Variants in ETNPPL observed in about 807,000 individuals in gnomAD.
The protein encoded by ETNPPL is alanine--glyoxylate aminotransferase 2-like 1.
In ETNPPL, 30 loss-of-function variants were observed where a neutral mutation model predicts 55.5. That is an observed-to-expected ratio of 0.54 (90% CI 0.40 to 0.73). The LOEUF is 0.73. Ranked by LOEUF, ETNPPL falls within the 30% of genes least tolerant of loss-of-function variation. The pLI is 0.00. For missense variants in ETNPPL, 528 were observed against 607.9 expected (o/e 0.87, Z 1.38); for synonymous variants, 202 against 207.2 (o/e 0.98, Z 0.21).
chr4:108,746,884 T>A (rs913336716), intron 9 of ETNPPL, 33 bp from the exon 10 acceptor site: 1 of 1,431,582 alleles, frequency 7.0e-7, no homozygotes, highest in Non-Finnish European at 9.8e-7. Context: ...TGACCCACAA[T>A]CTGTCCAACT....
chr4:108,763,031 G>A lies in ETNPPL; in HGVS notation c.-133C>T, dbSNP rs1293693436. On this transcript the variant is annotated 5_prime_UTR_variant, in exon 1 of 13. Coordinates refer to ENST00000296486, the MANE Select transcript of ETNPPL (RefSeq NM_031279.4). The stretch of plus-strand genomic sequence containing the variant: ...CCCTCCTGGCGTTCTCTTGCCCGGG[G>A]CGTCGGAGGTCACCGGTGGCGTCAA... 5.3e-6 allele frequency: 4 copies of A among 750,482 alleles called. No homozygotes were observed. Among genetic ancestry groups the A allele is most frequent in the Middle Eastern group, 5.3e-4 (2 of 3,766 alleles). The allele number at this position is 750,482 out of a possible 1,614,324, so 46.5% of individuals were successfully genotyped here. A position where few individuals can be genotyped will look rare whatever the true frequency, so the allele number is the denominator to read the frequency against.
intron 11 of ETNPPL, among the ~76,000 whole-genome samples, chr4:108,745,930 CAA>C (rs5860940): frequency 5.6e-5 from 4 of 70,854 alleles, no homozygotes; most frequent in Admixed American, 1.5e-4. Context: ...GACTCCATCT[CAA>C]AAAAAAAAAA....
At position 108,742,432 on chromosome 4, in the gene ETNPPL, A is replaced by C; in HGVS notation, c.*52T>G. ...AGCTATTAACCGATGAGACACATCT[A>C]CTCATTCTCTGTAACTCTGGACATC... On this transcript the variant is annotated 3_prime_UTR_variant, in exon 13 of 13. Coordinates refer to ENST00000296486, the MANE Select transcript of ETNPPL (RefSeq NM_031279.4). 6.3e-7 allele frequency: 1 copy of C among 1,597,150 alleles called. No individual in the cohort carries two copies. Among genetic ancestry groups the C allele is most frequent in the Non-Finnish European group, 8.6e-7 (1 of 1,165,988 alleles).
At chr4:108,747,210 TATA>T (rs1728629043) in intron 9 of ETNPPL, among the ~76,000 whole-genome samples, 2 of 5,116 alleles carry the variant, frequency 3.9e-4, no homozygotes, top group African/African-American at 1.7e-3. Context: ...ATATATATAA[TATA>T]TATATATATA....
intron 7 of ETNPPL, among the ~76,000 whole-genome samples, chr4:108,750,495 C>CATGTGTGTGT (rs1491439467): frequency 7.3e-4 from 104 of 141,618 alleles, no homozygotes; most frequent in African/African-American, 2.4e-3. Context: ...TTAATACCGC[C>CATGTGTGTGT]GTGTGTGTGT....
intron 8 of ETNPPL, 78 bp from the exon 9 acceptor site, chr4:108,748,237 TCATA>T (rs1179391547): frequency 4.0e-6 from 4 of 999,328 alleles, no homozygotes; most frequent in Non-Finnish European, 5.8e-6. Context: ...GAAATTTGGC[TCATA>T]CATACATAAG....
At chr4:108,750,903 G>A (rs768813891) in intron 7 of ETNPPL, 33 bp downstream of exon 7, 13 of 1,480,416 alleles carry the variant, frequency 8.8e-6, no homozygotes, top group Non-Finnish European at 1.2e-5. Context: ...AGTGCTCTCA[G>A]TTTGACCAAG....
Position 108,756,466 on chromosome 4 carries a change from C to T in ETNPPL, c.362G>A (p.Arg121His), listed in dbSNP as rs758657014. Residue 121 changes from arginine (R) to histidine (H), a missense_variant, in exon 4 of 13, where the codon CGC (arginine) becomes CAC (histidine). By Grantham distance (29) the Arg-to-His change is conservative (BLOSUM62 0). Transcript: ENST00000296486. ...GTGGCCTCTGAACTGCCGAGCCAGG[C>T]GTAAGGCTAAGTCGTTGGCTTCGGA... ...SGSEANDLAL[R>H]LARQFRGHQD... 10 of 1,613,872 alleles carry T rather than the reference C, an allele frequency of 6.2e-6. No individual in the cohort carries two copies. The highest frequency in any genetic ancestry group is 1.1e-5 in the South Asian group (1 of 91,066).
chr4:108,748,190 T>C (rs1284608615), intron 8 of ETNPPL, 31 bp from the exon 9 acceptor site: 1 of 1,533,538 alleles, frequency 6.5e-7, no homozygotes, highest in South Asian at 1.3e-5. Flanking sequence ...AATGAGAAAA[T>C]ATACCAGTTG....
At chr4:108,753,968 CT>C (rs1729074382) in intron 5 of ETNPPL, among the ~76,000 whole-genome samples, 1 of 131,298 alleles carries the variant, frequency 7.6e-6, no homozygotes, top group Non-Finnish European at 1.6e-5. Context: ...TTTACTTTTT[CT>C]TTTCTTTTTT....
chr4:108,753,126 T>C (rs1728994047), intron 5 of ETNPPL, 115 bp from the exon 6 acceptor site: 1 of 625,876 alleles, frequency 1.6e-6, no homozygotes, highest in Non-Finnish European at 2.8e-6. Context: ...CTTAAGATAC[T>C]TTAGGTTTTT....
intron 3 of ETNPPL, among the ~76,000 whole-genome samples, chr4:108,758,078 C>T (rs558113723): frequency 7.0e-6 from 1 of 143,670 alleles, no homozygotes; most frequent in South Asian, 2.2e-4. Context: ...GATCTTGGCT[C>T]ACTGCAACCT....
At chr4:108,760,076 C>T (rs1729435204) in intron 2 of ETNPPL, 112 bp downstream of exon 2, 4 of 1,048,196 alleles carry the variant, frequency 3.8e-6, no homozygotes, top group African/African-American at 3.2e-5. Flanking sequence ...TACTGGCCCA[C>T]TCAGCAAAGG....
chr4:108,753,139 G>A, intron 5 of ETNPPL, 128 bp from the exon 6 acceptor site: 2 of 600,800 alleles, frequency 3.3e-6, no homozygotes, highest in South Asian at 4.5e-5. Flanking sequence ...AGGTTTTTTT[G>A]TTCTTTTTTT....
chr4:108,754,055 C>T (rs189746342), intron 5 of ETNPPL, among the ~76,000 whole-genome samples: 32 of 149,378 alleles, frequency 2.1e-4, no homozygotes, highest in African/African-American at 7.9e-4. Context: ...CTCACTGCAA[C>T]CTCCACCTCC....
chr4:108,760,078 C>A, intron 2 of ETNPPL, 110 bp downstream of exon 2: 1 of 1,050,828 alleles, frequency 9.5e-7, no homozygotes, highest in South Asian at 1.5e-5. Context: ...CTGGCCCACT[C>A]AGCAAAGGAA....
chr4:108,758,183 G>A (rs908233537), intron 3 of ETNPPL, among the ~76,000 whole-genome samples: 1 of 151,404 alleles, frequency 6.6e-6, no homozygotes, highest in Non-Finnish European at 1.5e-5. Flanking sequence ...GTAGAGACAG[G>A]GTTTCACCAT....
At chr4:108,751,084 T>A (rs1323751015) in intron 6 of ETNPPL, 66 bp from the exon 7 acceptor site, 1 of 1,091,472 alleles carries the variant, frequency 9.2e-7, no homozygotes, top group African/African-American at 1.5e-5. Context: ...AAAGAGTATA[T>A]CTTATAGAGC....
intron 8 of ETNPPL, among the ~76,000 whole-genome samples, chr4:108,748,649 CA>C (rs919349670): frequency 2.0e-5 from 3 of 151,550 alleles, no homozygotes; most frequent in Non-Finnish European, 4.4e-5. Context: ...GGGGATAAGT[CA>C]AAAAAATATA....
Sources: allele counts gnomAD v4.1 joint callset (sites outside exome capture counted in the v4.1 genomes callset), GRCh38; gene constraint gnomAD v4.1.1; transcripts MANE v1.5; gene names NCBI Gene and HGNC (gene_info 2026-07-23, HGNC 2026-07-21).